The following ATG3 variants were observed in gnomAD, a reference collection of about 807,000 sequenced individuals.
ATG3 encodes the protein autophagy related 3, also known as ubiquitin-like-conjugating enzyme ATG3.
A neutral mutation model predicts 50.7 loss-of-function variants in ATG3; 25 were observed. The observed-to-expected ratio is 0.49, with a 90% CI of 0.36 to 0.69. The LOEUF (loss-of-function observed/expected upper bound fraction) is 0.69. ATG3 is among the 30% of genes least tolerant of loss of function. The pLI is 0.00. For missense variants in ATG3, 281 were observed against 376.0 expected, an observed-to-expected ratio of 0.75 and a Z score of 2.09; for synonymous variants, 119 against 125.5, an observed-to-expected ratio of 0.95 and a Z score of 0.34.
intron 11 of ATG3, 171 bp from the exon 12 acceptor site, chr3:112,532,951 A>G (rs1244055961): frequency 4.7e-6 from 6 of 1,281,430 alleles, no homozygotes; most frequent in Non-Finnish European, 5.9e-6. Flanking sequence ...ATTTAACATG[A>G]GGCTCTTTAA....
At position 112,551,902 on chromosome 3, in the gene ATG3, G is replaced by A. The variant is rs915895387; in HGVS notation, c.164+1378C>T. Among the ~76,000 whole-genome samples the A allele has an allele frequency of 1.2e-4, 19 of 152,112 alleles. 1 individual carries two copies. The highest frequency in any genetic ancestry group is 1.1e-3 in the Admixed American group (17 of 15,268). ...AAATATGGAACAAAAAACACATGTA[G>A]GAGAGAAAAATACATAAAAACAAAC... On this transcript the variant is annotated intron_variant, in intron 3 of 11. Coordinates refer to ENST00000283290, the MANE Select transcript of ATG3 (RefSeq NM_022488.5).
chr3:112,561,520 A>T lies in ATG3; in HGVS notation c.9T>A (p.Asn3Lys), dbSNP rs1933879222. 3 of 1,584,502 alleles carry T rather than the reference A, an allele frequency of 1.9e-6. No individual in the cohort carries two copies. The highest frequency in any genetic ancestry group is 2.6e-6 in the Non-Finnish European group (3 of 1,163,362). Residue 3 changes from asparagine to lysine, a missense_variant, in exon 1 of 12, where the codon AAT becomes AAA. Transcript: ENST00000283290. ...CCTTTCCCTTCACAGTATTAATCAC[A>T]TTCTGCATCCTGGGGCCGGAGTAGC... is the stretch of plus-strand genomic sequence containing the variant. MQ[N>K]VINTVKGKAL...
At chr3:112,553,418 T>C in intron 2 of ATG3, 89 bp from the exon 3 acceptor site, 1 of 1,073,884 alleles carries the variant, frequency 9.3e-7, no homozygotes. Context: ...ACCAAACTGA[T>C]GGCACTAGGT....
At position 112,532,706 on chromosome 3, in the gene ATG3, G is replaced by C; in HGVS notation, c.938C>G (p.Thr313Arg). 1 of 1,585,340 alleles carries C rather than the reference G, an allele frequency of 6.3e-7. No individual in the cohort carries two copies. The highest frequency in any genetic ancestry group is 8.6e-7 in the Non-Finnish European group (1 of 1,165,554). Residue 313 changes from threonine (T) to arginine (R), a missense_variant, in exon 12 of 12, where the codon ACA (threonine) becomes AGA (arginine). By Grantham distance (71) the Thr-to-Arg change is moderately conservative (BLOSUM62 -1). Around this residue, in one of 3 missense-constraint regions of ATG3, gnomAD observed 242 missense variants for 305.0 expected, o/e 0.79. Coordinates refer to ENST00000283290, the MANE Select transcript of ATG3 (RefSeq NM_022488.5). ...TIEYDYTRHF[T>R]M ...GATTTTATGCTCTCTTCATTACATTGTGAAGTGTCTTGTGTAGTCATATTC... is the reference window on the plus strand; with the variant it reads ...GATTTTATGCTCTCTTCATTACATTCTGAAGTGTCTTGTGTAGTCATATTC...
chr3:112,546,479 G>T (rs1301327878), intron 5 of ATG3, among the ~76,000 whole-genome samples: 1 of 152,178 alleles, frequency 6.6e-6, no homozygotes, highest in Non-Finnish European at 1.5e-5. Context: ...TAAAACTGAT[G>T]AATTATTTCT....
chr3:112,542,006 A>T (rs181732985), intron 6 of ATG3, 122 bp from the exon 7 acceptor site: 2 of 663,936 alleles, frequency 3.0e-6, no homozygotes. Context: ...GTTCTTGTCC[A>T]CAAAAACCTT....
chr3:112,552,607 C>T (rs1003949790), intron 3 of ATG3, among the ~76,000 whole-genome samples: 3 of 148,918 alleles, frequency 2.0e-5, no homozygotes, highest in African/African-American at 7.4e-5. Flanking sequence ...CAAACATGTT[C>T]AGTAAATTTT....
Position 112,534,355 on chromosome 3 carries a change from A to G in ATG3, c.795-18T>C. 6.5e-7 allele frequency: 1 copy of G among 1,548,130 alleles called. No homozygotes were observed. The highest frequency in any genetic ancestry group is 1.4e-5 in the African/African-American group (1 of 71,752). On this transcript the variant is annotated intron_variant, in intron 10 of 11. Transcript: ENST00000283290. Reference sequence around the variant, plus strand: ...CAGCATGCCTAGAAGCCAAAAAAAAAAAAAATTGTTAATGTAGATCGATTA... The same window carrying G: ...CAGCATGCCTAGAAGCCAAAAAAAAGAAAAATTGTTAATGTAGATCGATTA...
At chr3:112,556,386 C>T (rs1180239300) in intron 2 of ATG3, among the ~76,000 whole-genome samples, 2 of 149,986 alleles carry the variant, frequency 1.3e-5, no homozygotes, top group Non-Finnish European at 3.0e-5. Context: ...CCAGCCGCCC[C>T]ATCCGGGAGG....
intron 9 of ATG3, among the ~76,000 whole-genome samples, chr3:112,536,984 T>C (rs1334403742): frequency 6.8e-6 from 1 of 147,780 alleles, no homozygotes; most frequent in Admixed American, 6.8e-5. Context: ...TTAGAAACTT[T>C]CAGCCTAAAT....
At chr3:112,559,448 C>T (rs1190230122) in intron 1 of ATG3, among the ~76,000 whole-genome samples, 4 of 152,144 alleles carry the variant, frequency 2.6e-5, no homozygotes, top group Non-Finnish European at 5.9e-5. Context: ...TATTCTTGCC[C>T]TCATAAGGAG....
intron 7 of ATG3, 28 bp from the exon 8 acceptor site, chr3:112,538,208 A>ATCAAGT: frequency 1.3e-6 from 2 of 1,534,076 alleles, no homozygotes; most frequent in Non-Finnish European, 1.8e-6. Context: ...CAAAAGATTA[A>ATCAAGT]TCAAGTTCAA....
At chr3:112,532,921 A>C in intron 11 of ATG3, 141 bp from the exon 12 acceptor site, 1 of 1,312,760 alleles carries the variant, frequency 7.6e-7, no homozygotes, top group Non-Finnish European at 9.7e-7. Flanking sequence ...TAAAGAATTC[A>C]ACTATGCAAA....
intron 10 of ATG3, 34 bp downstream of exon 10, chr3:112,536,441 A>G (rs200737340): frequency 1.2e-6 from 2 of 1,602,672 alleles, no homozygotes; most frequent in Middle Eastern, 1.7e-4. Flanking sequence ...ATACAATCAC[A>G]TCAAAAAATA....
chr3:112,556,137 A>G (rs1933663696), intron 2 of ATG3, among the ~76,000 whole-genome samples: 1 of 152,260 alleles, frequency 6.6e-6, no homozygotes, highest in African/African-American at 2.4e-5. Context: ...TTGGCATTTG[A>G]GGTAATAAAA....
rs72940020 is a variant in ATG3 at position 112,541,777 on chromosome 3, C to T, written c.475+26G>A. Reference sequence around the variant, plus strand: ...ATTCTAAATCAATATTCTAGTGGAACTGAAGCAAATCTAGAACAGGAATAC... The same window carrying T: ...ATTCTAAATCAATATTCTAGTGGAATTGAAGCAAATCTAGAACAGGAATAC... On this transcript the variant is annotated intron_variant, in intron 7 of 11. Coordinates refer to ENST00000283290, the MANE Select transcript of ATG3 (RefSeq NM_022488.5). 1.7e-3 allele frequency: 2,597 copies of T among 1,567,484 alleles called. 26 individuals carry two copies. The African/African-American group carries it at 0.031, about 19-fold the overall frequency.
intron 5 of ATG3, among the ~76,000 whole-genome samples, chr3:112,546,922 C>T (rs544738805): frequency 2.6e-5 from 4 of 152,310 alleles, no homozygotes; most frequent in Admixed American, 6.5e-5. Context: ...ATATAGCACT[C>T]GACTCATTAA....
chr3:112,560,606 G>A (rs1239578063), intron 1 of ATG3, among the ~76,000 whole-genome samples: 2 of 151,364 alleles, frequency 1.3e-5, no homozygotes, highest in East Asian at 3.9e-4. Context: ...AACTAAGCAA[G>A]AACTTCCCAT....
intron 11 of ATG3, chr3:112,533,010 G>A: frequency 8.6e-7 from 1 of 1,167,876 alleles, no homozygotes; most frequent in Non-Finnish European, 1.1e-6. Context: ...TTCTTAATGA[G>A]TAGGTGTTCA....
Sources: gnomAD v4.1 joint callset for allele counts (sites outside exome capture counted in the v4.1 genomes callset) on GRCh38, gnomAD v4.1.1 for gene constraint, gnomAD v4.1.1 regional missense constraint, MANE v1.5 for transcripts, NCBI Gene and HGNC (gene_info 2026-07-23, HGNC 2026-07-21) for gene names.